The following EPB41L4A variants were observed in gnomAD, a reference collection of about 807,000 sequenced individuals.
The protein encoded by EPB41L4A is band 4.1-like protein 4A.
A neutral mutation model predicts 108.6 loss-of-function variants in EPB41L4A; 100 were observed. The ratio of observed to expected loss-of-function variants is 0.92; its 90% CI spans 0.78 to 1.09. EPB41L4A has a LOEUF of 1.09. Among genes scored for constraint, EPB41L4A ranks in the 50% least tolerant of loss-of-function variants. EPB41L4A has a pLI of 0.00. For synonymous variants in EPB41L4A, 319 were observed against 289.0 expected, an observed-to-expected ratio of 1.10 and a Z score of -1.05; for missense variants, 1,030 against 842.7, an observed-to-expected ratio of 1.22 and a Z score of -2.75.
At chr5:112,238,913 AAAGACATAAGCGCCTGCCT>A (rs1749563407) in intron 11 of EPB41L4A, among the ~76,000 whole-genome samples, 1 of 152,222 alleles carries the variant, frequency 6.6e-6, no homozygotes, top group Non-Finnish European at 1.5e-5. Flanking sequence ...GGTATCAGAA[AAAGACATAAGCGCCTGCCT>A]AGCTGCATGA....
At chr5:112,331,262 G>A (rs1056313020) in intron 1 of EPB41L4A, among the ~76,000 whole-genome samples, 5 of 152,162 alleles carry the variant, frequency 3.3e-5, no homozygotes, top group African/African-American at 1.2e-4. Flanking sequence ...GTCCAGAACT[G>A]GTGCCCTGCT....
chr5:112,266,997 T>C (rs1287931168), intron 4 of EPB41L4A, among the ~76,000 whole-genome samples: 2 of 152,194 alleles, frequency 1.3e-5, no homozygotes, highest in African/African-American at 4.8e-5. Flanking sequence ...GTGAAATAAC[T>C]TGTCCAGGAC....
chr5:112,203,338 A>G (rs1263400262), intron 15 of EPB41L4A, among the ~76,000 whole-genome samples: 1 of 152,208 alleles, frequency 6.6e-6, no homozygotes, highest in Non-Finnish European at 1.5e-5. Flanking sequence ...CCTGGGCATC[A>G]GAGCGAGACT....
chr5:112,377,876 C>G (rs940240232), intron 1 of EPB41L4A, among the ~76,000 whole-genome samples: 1 of 152,056 alleles, frequency 6.6e-6, no homozygotes. Context: ...GCTAACCCCC[C>G]ATCTTTTACA....
intron 1 of EPB41L4A, among the ~76,000 whole-genome samples, chr5:112,412,375 G>A (rs903631811): frequency 7.2e-5 from 11 of 152,218 alleles, no homozygotes; most frequent in Non-Finnish European, 1.6e-4. Flanking sequence ...CTTTGCAAGA[G>A]TGTGTAGTTA....
chr5:112,216,066 C>CAGTCCT (rs1421835191), intron 12 of EPB41L4A, among the ~76,000 whole-genome samples: 23 of 152,294 alleles, frequency 1.5e-4, no homozygotes, highest in African/African-American at 5.1e-4. Flanking sequence ...AGACCACTAC[C>CAGTCCT]AGTCCTTTGA....
Position 112,208,244 on chromosome 5 carries a change from C to CAAAAA in EPB41L4A, c.1178+1643_1178+1647dup, listed in dbSNP as rs68152475. Reference sequence around the variant, plus strand: ...CTGGCAACAGAGGGAGACTCCATCTCAAAAAAAAAAAAAAAAAAAGACACA... The same window carrying CAAAAA: ...CTGGCAACAGAGGGAGACTCCATCTCAAAAAAAAAAAAAAAAAAAAAAAAGACACA... On this transcript the variant is annotated intron_variant, in intron 13 of 22. Coordinates refer to ENST00000261486, the MANE Select transcript of EPB41L4A (RefSeq NM_022140.5). Among the ~76,000 whole-genome samples, 323 of 85,066 alleles carry CAAAAA rather than the reference C, an allele frequency of 3.8e-3. 21 individuals are homozygous for CAAAAA. The highest frequency in any genetic ancestry group is 0.012 in the African/African-American group (251 of 21,656). 55.8% of individuals were successfully genotyped at this position (85,066 alleles called of 152,430 possible).
chr5:112,357,813 G>A (rs1758457962), intron 1 of EPB41L4A, among the ~76,000 whole-genome samples: 1 of 152,180 alleles, frequency 6.6e-6, no homozygotes, highest in Non-Finnish European at 1.5e-5. Flanking sequence ...CTAGGGAAGA[G>A]CTATGTGGAT....
At chr5:112,221,830 G>A (rs1010207672) in intron 12 of EPB41L4A, among the ~76,000 whole-genome samples, 8 of 152,014 alleles carry the variant, frequency 5.3e-5, no homozygotes, top group African/African-American at 1.9e-4. Context: ...TCTAATTTTC[G>A]TAGCTATGTT....
intron 1 of EPB41L4A, among the ~76,000 whole-genome samples, chr5:112,387,154 C>T (rs1760602265): frequency 6.6e-6 from 1 of 152,214 alleles, no homozygotes. Flanking sequence ...CTACTGGTGA[C>T]AGCGCCAGTT....
chr5:112,175,732 G>A (rs1375433945), intron 18 of EPB41L4A, among the ~76,000 whole-genome samples: 1 of 151,700 alleles, frequency 6.6e-6, no homozygotes, highest in African/African-American at 2.4e-5. Context: ...ATGTGTGTGT[G>A]TGTGTATATG....
chr5:112,199,704 T>C (rs1334221255), intron 15 of EPB41L4A, among the ~76,000 whole-genome samples: 2 of 152,228 alleles, frequency 1.3e-5, no homozygotes, highest in Admixed American at 1.3e-4. Flanking sequence ...CTGATGATTC[T>C]ACTTCTACGC....
intron 12 of EPB41L4A, chr5:112,228,807 G>A (rs183689175): frequency 1.1e-6 from 1 of 916,948 alleles, no homozygotes; most frequent in East Asian, 1.2e-4. Context: ...CTCTGAGGCA[G>A]TTTAGACTTG....
chr5:112,192,137 T>A (rs1179341859), intron 17 of EPB41L4A: 2 of 152,292 alleles, frequency 1.3e-5, no homozygotes, highest in Non-Finnish European at 2.9e-5. Context: ...GACCTATGCA[T>A]CCTCATGTGG....
intron 1 of EPB41L4A, among the ~76,000 whole-genome samples, chr5:112,376,789 C>A (rs1222747273): frequency 6.6e-6 from 1 of 152,000 alleles, no homozygotes; most frequent in African/African-American, 2.4e-5. Flanking sequence ...AAAAAGCAAC[C>A]CAAAAGGTAT....
chr5:112,206,148 C>A (rs1238482828), intron 13 of EPB41L4A: 1 of 152,242 alleles, frequency 6.6e-6, no homozygotes, highest in Admixed American at 6.5e-5. Context: ...GAGGAAGGGA[C>A]TAATCAGAAG....
intron 1 of EPB41L4A, among the ~76,000 whole-genome samples, chr5:112,382,511 T>C (rs1387226120): frequency 6.6e-6 from 1 of 152,234 alleles, no homozygotes; most frequent in African/African-American, 2.4e-5. Flanking sequence ...GGGGAAATTC[T>C]GACCCAGTAG....
chr5:112,288,860 C>T lies in EPB41L4A; in HGVS notation c.205-8537G>A, dbSNP rs190753557. ...TTTTTTTTTTTATGATGGAGTCTCGCTCTGTCACCCAGGCTGGAGTGCAGT... is the reference window on the plus strand; with the variant it reads ...TTTTTTTTTTTATGATGGAGTCTCGTTCTGTCACCCAGGCTGGAGTGCAGT... On this transcript the variant is annotated intron_variant, in intron 2 of 22. Coordinates refer to ENST00000261486, the MANE Select transcript of EPB41L4A (RefSeq NM_022140.5). 1.0e-3 allele frequency among the ~76,000 whole-genome samples: 153 copies of T among 151,098 alleles called. 1 individual carries two copies. The highest frequency in any genetic ancestry group is 7.2e-4 in the Non-Finnish European group (49 of 67,886).
intron 1 of EPB41L4A, among the ~76,000 whole-genome samples, chr5:112,414,938 T>G (rs548866347): frequency 3.3e-5 from 5 of 152,308 alleles, no homozygotes; most frequent in African/African-American, 1.2e-4. Flanking sequence ...ATCTTACGTT[T>G]GTGTGTGATT....
Sources: allele counts gnomAD v4.1 joint callset (sites outside exome capture counted in the v4.1 genomes callset), GRCh38; gene constraint gnomAD v4.1.1; transcripts MANE v1.5; gene names NCBI Gene and HGNC (gene_info 2026-07-23, HGNC 2026-07-21).